HMGCLL1: variants seen among roughly 807,000 people sequenced by gnomAD.
HMGCLL1 encodes the protein 3-hydroxy-3-methylglutaryl-CoA lyase like 1, also known as 3-hydroxymethyl-3-methylglutaryl-CoA lyase, cytoplasmic.
HMGCLL1 carries 36 observed loss-of-function variants against 39.1 expected under a neutral mutation model. The observed-to-expected ratio is 0.92, with a 90% CI of 0.71 to 1.22. HMGCLL1 has a LOEUF of 1.22. Ranked by LOEUF, HMGCLL1 falls within the 50% of genes most tolerant of loss-of-function variation. The probability of loss-of-function intolerance (pLI) is 0.00; values close to 1 mark genes in which losing one functional copy is unlikely to be tolerated. For missense variants in HMGCLL1, 451 were observed against 416.5 expected (o/e 1.08, Z -0.72); for synonymous variants, 149 against 144.0 (o/e 1.03, Z -0.25).
At chr6:55,495,668 T>G in intron 6 of HMGCLL1, 61 bp from the exon 7 acceptor site, 2 of 1,256,430 alleles carry the variant, frequency 1.6e-6, no homozygotes. Context: ...AACCCTCTTG[T>G]GCCACAACTA....
At chr6:55,499,604 AC>A (rs1766769438) in intron 5 of HMGCLL1, among the ~76,000 whole-genome samples, 1 of 151,954 alleles carries the variant, frequency 6.6e-6, no homozygotes, top group Non-Finnish European at 1.5e-5. Flanking sequence ...AGCAGAAAAT[AC>A]CAGTGAAATA....
rs964732818 is a variant in HMGCLL1 at position 55,541,738 on chromosome 6, C to G, written c.288G>C (p.Trp96Cys). ...IEVTSFVSSR[W>C]VPQMADHTEV... is the part of the protein sequence containing the mutation. ...TTGTGGGTTTACATACCTGTGGTAC[C>G]CATCTGGAAGACACAAAGCTAGTCA... Residue 96 changes from tryptophan (W) to cysteine (C), a missense_variant, in exon 3 of 9, where the codon TGG (tryptophan) becomes TGC (cysteine). Trp to Cys is a radical substitution (Grantham distance 215). Transcript: ENST00000274901. The G allele has an allele frequency of 3.2e-6, 5 of 1,566,840 alleles. No individual in the cohort carries two copies. In the African/African-American group the frequency reaches 5.5e-5, roughly 17 times the overall value.
chr6:55,531,977 C>T (rs1410477770), intron 3 of HMGCLL1, among the ~76,000 whole-genome samples: 1 of 152,002 alleles, frequency 6.6e-6, no homozygotes, highest in Non-Finnish European at 1.5e-5. Flanking sequence ...AGGAAAAAGA[C>T]ATAGTAAACG....
the HMGCLL1 span, among the ~76,000 whole-genome samples, chr6:55,587,435 A>C: frequency 1.3e-5 from 2 of 151,760 alleles, no homozygotes; most frequent in Non-Finnish European, 2.9e-5. Flanking sequence ...CATGGAAACG[A>C]ACAACCGGAA....
At chr6:55,525,888 G>A (rs1219142446) in intron 3 of HMGCLL1, among the ~76,000 whole-genome samples, 2 of 151,910 alleles carry the variant, frequency 1.3e-5, no homozygotes, top group African/African-American at 4.8e-5. Flanking sequence ...CTACAAAACA[G>A]ATTTTTTTTG....
intron 7 of HMGCLL1, among the ~76,000 whole-genome samples, chr6:55,453,392 G>A (rs4075334): frequency 0.11 from 16,527 of 152,160 alleles, 1,090 homozygotes; most frequent in East Asian, 0.2. Context: ...CGTTAGCCAG[G>A]ATGGTCTCGA....
rs187512461 is a variant in HMGCLL1, at chr6:55,459,546, A to G, written c.796-19987T>C. Among the ~76,000 whole-genome samples, 3 of 152,222 alleles carry G rather than the reference A, an allele frequency of 2.0e-5. No homozygotes were observed. In the East Asian group the frequency reaches 5.8e-4, roughly 29 times the overall value. On this transcript the variant is annotated intron_variant, in intron 7 of 8. Transcript: ENST00000274901. ...CCTGTTTACTGATGTTTTTGATGTT[A>G]GCTCTGACATAATGCTGGATCCCTC... is the stretch of plus-strand genomic sequence containing the variant.
the HMGCLL1 span, among the ~76,000 whole-genome samples, chr6:55,605,210 C>T: frequency 6.6e-6 from 1 of 152,120 alleles, no homozygotes; most frequent in African/African-American, 2.4e-5. Flanking sequence ...CTGGTCATTC[C>T]ATTTAAGATG....
At chr6:55,463,170 C>T (rs573129551) in intron 7 of HMGCLL1, among the ~76,000 whole-genome samples, 1 of 151,966 alleles carries the variant, frequency 6.6e-6, no homozygotes, top group East Asian at 1.9e-4. Flanking sequence ...AGCTGGACTA[C>T]AGGCACATGC....
chr6:55,583,914 G>A (rs1000159874), upstream of HMGCLL1, among the ~76,000 whole-genome samples: 14 of 152,018 alleles, frequency 9.2e-5, no homozygotes. Flanking sequence ...GTCTTCTTAC[G>A]GAGATTTACT....
chr6:55,474,293 G>C (rs1326192364), intron 7 of HMGCLL1, among the ~76,000 whole-genome samples: 1 of 151,446 alleles, frequency 6.6e-6, no homozygotes, highest in Non-Finnish European at 1.5e-5. Context: ...ATAGTTCTCA[G>C]ACAATCTGTT....
chr6:55,623,272 C>A, the HMGCLL1 span, among the ~76,000 whole-genome samples: 1 of 151,318 alleles, frequency 6.6e-6, no homozygotes, highest in Non-Finnish European at 1.5e-5. Context: ...ATTGTTATTT[C>A]TTTTCCTTTT....
chr6:55,592,558 G>A, the HMGCLL1 span, among the ~76,000 whole-genome samples: 2 of 152,112 alleles, frequency 1.3e-5, no homozygotes, highest in African/African-American at 4.8e-5. Context: ...TGTGCATGGT[G>A]GGGATTTTAG....
At chr6:55,591,934 T>G in the HMGCLL1 span, among the ~76,000 whole-genome samples, 1 of 152,066 alleles carries the variant, frequency 6.6e-6, no homozygotes, top group East Asian at 1.9e-4. Context: ...TCCACTAAAT[T>G]TACACATGGA....
At chr6:55,557,776 TC>T (rs1051281605) in intron 1 of HMGCLL1, among the ~76,000 whole-genome samples, 50 of 152,246 alleles carry the variant, frequency 3.3e-4, no homozygotes, top group African/African-American at 1.2e-3. Context: ...TTAAATGTTT[TC>T]CGTATACAAG....
At chr6:55,484,345 T>A (rs150584317) in intron 7 of HMGCLL1, among the ~76,000 whole-genome samples, 182 of 152,152 alleles carry the variant, frequency 1.2e-3, no homozygotes, top group African/African-American at 4.3e-3. Context: ...TCTGCTCTGA[T>A]CTCTTAAGGA....
chr6:55,516,971 T>C (rs1767774798), intron 3 of HMGCLL1, among the ~76,000 whole-genome samples: 1 of 152,118 alleles, frequency 6.6e-6, no homozygotes. Flanking sequence ...TCATTTACCA[T>C]ACACATGAAA....
At chr6:55,519,002 G>C (rs4236133) in intron 3 of HMGCLL1, among the ~76,000 whole-genome samples, 1 of 152,192 alleles carries the variant, frequency 6.6e-6, no homozygotes, top group Non-Finnish European at 1.5e-5. Context: ...GGACGGTTGC[G>C]TAAGTGGTAA....
rs148447626 is a variant in HMGCLL1 at position 55,516,880 on chromosome 6, C to A, written c.298-277G>T. On this transcript the variant is annotated intron_variant, in intron 3 of 8. Coordinates refer to ENST00000274901, the MANE Select transcript of HMGCLL1 (RefSeq NM_001042406.2). Reference sequence around the variant, plus strand: ...ACTTTATTATTTTCACTTAACCAATCTTTATTCCCTTCCTTTCATTTCATG... The same window carrying A: ...ACTTTATTATTTTCACTTAACCAATATTTATTCCCTTCCTTTCATTTCATG... Among the ~76,000 whole-genome samples the A allele has an allele frequency of 2.1e-3, 317 of 152,152 alleles. 2 individuals are homozygous for A. Among genetic ancestry groups the A allele is most frequent in the African/African-American group, 7.4e-3 (309 of 41,546 alleles).
Sources: gnomAD v4.1 joint callset for allele counts (sites outside exome capture counted in the v4.1 genomes callset) on GRCh38, gnomAD v4.1.1 for gene constraint, MANE v1.5 for transcripts, NCBI Gene and HGNC (gene_info 2026-07-23, HGNC 2026-07-21) for gene names.